Variants in TBC1D5 observed in about 807,000 individuals in gnomAD.
TBC1D5 encodes TBC1 domain family member 5, also known as TBC1 domain family, member 5.
TBC1D5 carries 75 observed loss-of-function variants against 100.3 expected under a neutral mutation model. The ratio of observed to expected loss-of-function variants is 0.75; its 90% CI spans 0.62 to 0.91. TBC1D5 has a LOEUF of 0.91. Among genes scored for constraint, TBC1D5 ranks in the 40% least tolerant of loss-of-function variants. TBC1D5 has a pLI of 0.00. For synonymous variants in TBC1D5, 323 were observed against 325.6 expected (o/e 0.99, Z 0.09); for missense variants, 910 against 942.4 (o/e 0.97, Z 0.45).
chr3:17,233,860 G>A, intron 17 of TBC1D5, 110 bp from the exon 18 acceptor site: 5 of 568,952 alleles, frequency 8.8e-6, no homozygotes, highest in South Asian at 6.2e-5. Context: ...TAAAAATATA[G>A]TACAAAAGAA....
chr3:17,557,846 C>T lies in TBC1D5; in HGVS notation c.-35-49241G>A, dbSNP rs556031476. Among the ~76,000 whole-genome samples, 16 of 152,076 alleles carry T rather than the reference C, an allele frequency of 1.1e-4. No individual in the cohort carries two copies. In the South Asian group the frequency reaches 3.3e-3, roughly 32 times the overall value. ...TTTAGTAAAACAACCAGGATACAGACACAAAGAAAGACACAGCTACACACC... is the reference window on the plus strand; with the variant it reads ...TTTAGTAAAACAACCAGGATACAGATACAAAGAAAGACACAGCTACACACC... On this transcript the variant is annotated intron_variant, in intron 2 of 21. Transcript: ENST00000253692.
intron 3 of TBC1D5, among the ~76,000 whole-genome samples, chr3:17,456,999 T>C (rs985849945): frequency 6.6e-6 from 1 of 152,130 alleles, no homozygotes; most frequent in Non-Finnish European, 1.5e-5. Flanking sequence ...AGTGAGAATG[T>C]AGAGTGACTT....
intron 13 of TBC1D5, among the ~76,000 whole-genome samples, chr3:17,364,212 C>T (rs78047569): frequency 2.6e-5 from 4 of 152,064 alleles, no homozygotes; most frequent in African/African-American, 9.7e-5. Context: ...CTTAAAATAG[C>T]AACAAAATTT....
At chr3:17,553,879 T>C (rs2096493896) in intron 2 of TBC1D5, among the ~76,000 whole-genome samples, 1 of 152,200 alleles carries the variant, frequency 6.6e-6, no homozygotes, top group Non-Finnish European at 1.5e-5. Context: ...AAGGTAAATG[T>C]TGACAACAAT....
At chr3:17,699,372 A>C (rs1422178577) in intron 1 of TBC1D5, among the ~76,000 whole-genome samples, 1 of 119,090 alleles carries the variant, frequency 8.4e-6, no homozygotes, top group East Asian at 3.1e-4. Flanking sequence ...GAAGGGGAAC[A>C]TCACACTCTG....
chr3:17,692,657 A>T (rs1361591780), intron 1 of TBC1D5, among the ~76,000 whole-genome samples: 1 of 152,212 alleles, frequency 6.6e-6, no homozygotes, highest in Non-Finnish European at 1.5e-5. Flanking sequence ...TTTTTTTAAA[A>T]ATTATATGCT....
chr3:17,190,009 T>C (rs892817220), intron 18 of TBC1D5, among the ~76,000 whole-genome samples: 1 of 152,244 alleles, frequency 6.6e-6, no homozygotes, highest in Non-Finnish European at 1.5e-5. Context: ...CTGCCCCAAA[T>C]AGTTGATGCA....
At chr3:17,704,134 T>C (rs2073625144) in intron 1 of TBC1D5, among the ~76,000 whole-genome samples, 1 of 142,450 alleles carries the variant, frequency 7.0e-6, no homozygotes, top group Admixed American at 7.1e-5. Context: ...TTAACGAGCA[T>C]GCTGCCTTCA....
At chr3:17,321,395 A>G (rs145892540) in intron 13 of TBC1D5, among the ~76,000 whole-genome samples, 136 of 152,288 alleles carry the variant, frequency 8.9e-4, no homozygotes, top group African/African-American at 2.8e-3. Flanking sequence ...AATTTTTACT[A>G]TTTATTTTCT....
intron 2 of TBC1D5, among the ~76,000 whole-genome samples, chr3:17,604,863 A>G (rs374134891): frequency 1.3e-5 from 2 of 152,104 alleles, no homozygotes; most frequent in African/African-American, 4.8e-5. Flanking sequence ...TTTAGTAGAG[A>G]CAGGGTTTCA....
At chr3:17,369,219 T>A in intron 13 of TBC1D5, among the ~76,000 whole-genome samples, 1 of 151,788 alleles carries the variant, frequency 6.6e-6, no homozygotes, top group Admixed American at 6.6e-5. Context: ...GCACATAGGC[T>A]CTAGTGAAAA....
intron 3 of TBC1D5, among the ~76,000 whole-genome samples, chr3:17,444,088 G>T (rs1575985239): frequency 6.6e-6 from 1 of 151,940 alleles, no homozygotes; most frequent in Non-Finnish European, 1.5e-5. Flanking sequence ...ATAAAAATGA[G>T]ATTATAACAG....
chr3:17,614,350 C>T (rs34341510), intron 2 of TBC1D5, among the ~76,000 whole-genome samples: 2 of 152,094 alleles, frequency 1.3e-5, no homozygotes, highest in African/African-American at 4.8e-5. Flanking sequence ...TCTTCGCTTA[C>T]GATTGTCTTC....
At chr3:17,395,367 T>C (rs1156468122) in intron 8 of TBC1D5, among the ~76,000 whole-genome samples, 1 of 152,020 alleles carries the variant, frequency 6.6e-6, no homozygotes, top group Non-Finnish European at 1.5e-5. Context: ...CGAGACTGTG[T>C]CGCAAATGGA....
intron 3 of TBC1D5, among the ~76,000 whole-genome samples, chr3:17,496,290 TATTA>T (rs1168086451): frequency 6.6e-6 from 1 of 152,208 alleles, no homozygotes; most frequent in African/African-American, 2.4e-5. Flanking sequence ...ACCCTAATTG[TATTA>T]ATTGTGATAC....
At chr3:17,545,368 T>C (rs1436320403) in intron 2 of TBC1D5, among the ~76,000 whole-genome samples, 1 of 152,224 alleles carries the variant, frequency 6.6e-6, no homozygotes, top group Admixed American at 6.5e-5. Context: ...AATCAACCTT[T>C]GCTGACACCT....
chr3:17,673,311 C>CTTTTTTTTTT (rs374496313), intron 1 of TBC1D5, among the ~76,000 whole-genome samples: 2 of 125,980 alleles, frequency 1.6e-5, no homozygotes, highest in Non-Finnish European at 3.3e-5. Context: ...CTTTTCTTTT[C>CTTTTTTTTTT]TTTTTTTTTT....
At chr3:17,323,286 C>G (rs2150979893) in intron 13 of TBC1D5, among the ~76,000 whole-genome samples, 1 of 152,240 alleles carries the variant, frequency 6.6e-6, no homozygotes, top group Admixed American at 6.5e-5. Context: ...TACTGGCATT[C>G]CAAAACCTCA....
intron 8 of TBC1D5, among the ~76,000 whole-genome samples, chr3:17,388,470 T>C (rs1258645774): frequency 6.6e-6 from 1 of 152,066 alleles, no homozygotes; most frequent in Admixed American, 6.6e-5. Context: ...CTCTCCAATA[T>C]TGCATTATTT....
Sources: allele counts gnomAD v4.1 joint callset (sites outside exome capture counted in the v4.1 genomes callset), GRCh38; gene constraint gnomAD v4.1.1; transcripts MANE v1.5; gene names NCBI Gene and HGNC (gene_info 2026-07-23, HGNC 2026-07-21).